Variants in TSHZ3 observed in about 807,000 individuals in gnomAD.
TSHZ3 encodes the protein teashirt zinc finger homeobox 3.
Under a neutral mutation model 64.5 loss-of-function variants are expected in TSHZ3, and 10 were observed. That is an observed-to-expected ratio of 0.16 (90% CI 0.10 to 0.26). The LOEUF is 0.26. Ranked by LOEUF, TSHZ3 falls within the 10% of genes least tolerant of loss-of-function variation. The pLI, the probability that TSHZ3 is intolerant of heterozygous loss-of-function variation, is 1.00. For missense variants in TSHZ3, 1,242 were observed against 1,421.7 expected (o/e 0.87, Z 2.03); for synonymous variants, 608 against 593.1 (o/e 1.03, Z -0.36).
In TSHZ3 at chr19:31,279,478, T is replaced by C. The variant is rs752327648; in HGVS notation, c.315A>G (p.Pro105=). The part of the protein sequence containing the change: ...NEEETKEVTV[P]LEDTTVSDSL... ...TATCCGACACAGTCGTGTCTTCCAGTGGGACCGTGACCTCCTTGGTCTCCT... is the reference window on the plus strand; with the variant it reads ...TATCCGACACAGTCGTGTCTTCCAGCGGGACCGTGACCTCCTTGGTCTCCT... Residue 105 remains proline (P), a synonymous_variant, in exon 2 of 2, where the codon CCA becomes CCG. Transcript: ENST00000240587. This position sits in a 1 kb window ranked among gnomAD's most constrained non-coding sequence, Gnocchi z 6.4. The C allele has an allele frequency of 1.6e-5, 26 of 1,614,064 alleles. No individual in the cohort carries two copies. The highest frequency in any genetic ancestry group is 2.1e-5 in the Non-Finnish European group (25 of 1,180,044).
chr19:31,300,012 G>T (rs1404175351), intron 1 of TSHZ3, among the ~76,000 whole-genome samples: 3 of 152,188 alleles, frequency 2.0e-5, no homozygotes, highest in African/African-American at 7.2e-5. Context: ...GACATTCAGA[G>T]ATAAATGGCT....
chr19:31,285,829 A>G (rs1374437979), intron 1 of TSHZ3, among the ~76,000 whole-genome samples: 6 of 151,722 alleles, frequency 4.0e-5, no homozygotes, highest in Non-Finnish European at 8.8e-5. Flanking sequence ...AAGTGAAAGA[A>G]AAAGAAAAGA....
chr19:31,294,525 A>G (rs1346107566), intron 1 of TSHZ3, among the ~76,000 whole-genome samples: 1 of 152,218 alleles, frequency 6.6e-6, no homozygotes, highest in Non-Finnish European at 1.5e-5. Flanking sequence ...GCATGTGAAC[A>G]CTGTTTGGAT....
chr19:31,232,739 G>C (rs550612167), intron 3 of TSHZ3, among the ~76,000 whole-genome samples: 1 of 152,132 alleles, frequency 6.6e-6, no homozygotes, highest in South Asian at 2.1e-4. Context: ...CCAGTTAACC[G>C]CTGGCCTCAT....
At chr19:31,158,741 C>A (rs1223375310) in intron 5 of TSHZ3, among the ~76,000 whole-genome samples, 2 of 152,146 alleles carry the variant, frequency 1.3e-5, no homozygotes, top group Non-Finnish European at 2.9e-5. Context: ...TAGGTGGCCC[C>A]ATATGGGGAT....
At chr19:31,325,181 A>T (rs1414309381) in intron 1 of TSHZ3, among the ~76,000 whole-genome samples, 2 of 152,194 alleles carry the variant, frequency 1.3e-5, no homozygotes, top group African/African-American at 4.8e-5. Flanking sequence ...GGTAATGAGG[A>T]TGCCTATGGA....
chr19:31,178,776 GT>G (rs751702104), intron 5 of TSHZ3, among the ~76,000 whole-genome samples: 14 of 152,228 alleles, frequency 9.2e-5, no homozygotes, highest in Non-Finnish European at 1.9e-4. Context: ...GGTGAGACAT[GT>G]CATCAGAAGG....
At chr19:31,317,889 C>T (rs1418217754) in intron 1 of TSHZ3, among the ~76,000 whole-genome samples, 2 of 152,236 alleles carry the variant, frequency 1.3e-5, no homozygotes, top group Non-Finnish European at 2.9e-5. Flanking sequence ...CCTCCCACCC[C>T]TGGTAAAAGG....
At chr19:31,347,280 CCCT>C (rs755108660) in intron 1 of TSHZ3, among the ~76,000 whole-genome samples, 1 of 151,926 alleles carries the variant, frequency 6.6e-6, no homozygotes. Flanking sequence ...ACAGCAGGTT[CCCT>C]CCTCCTCTGA....
At chr19:31,311,961 T>G (rs1317539339) in intron 1 of TSHZ3, among the ~76,000 whole-genome samples, 1 of 152,118 alleles carries the variant, frequency 6.6e-6, no homozygotes, top group Non-Finnish European at 1.5e-5. Context: ...TGACCTCCAG[T>G]GATCCGCCCG....
At position 31,184,702 on chromosome 19, in the gene TSHZ3, A is replaced by G. The variant is rs57478078; in HGVS notation, n.809+20254T>C. Among the ~76,000 whole-genome samples, 623 of 152,260 alleles carry G rather than the reference A, an allele frequency of 4.1e-3. 5 individuals carry two copies. Among genetic ancestry groups the G allele is most frequent in the African/African-American group, 0.014 (581 of 41,540 alleles). On this transcript the variant is annotated intron_variant and non_coding_transcript_variant, in intron 5 of 6. Coordinates refer to the TSHZ3 transcript ENST00000651361. Reference sequence around the variant, plus strand: ...CAGGAGCACTTTGCAGAGTTTTGCTATTTTCCTGATTAGATTAGAGGTATT... The same window carrying G: ...CAGGAGCACTTTGCAGAGTTTTGCTGTTTTCCTGATTAGATTAGAGGTATT...
chr19:31,348,089 C>T (rs62102623), intron 1 of TSHZ3, among the ~76,000 whole-genome samples: 21,099 of 152,286 alleles, frequency 0.14, 1,642 homozygotes, highest in South Asian at 0.32. Flanking sequence ...CTCTGCACAT[C>T]TGAGTGTTAC....
At chr19:31,316,832 C>T (rs1916616440) in intron 1 of TSHZ3, among the ~76,000 whole-genome samples, 1 of 152,098 alleles carries the variant, frequency 6.6e-6, no homozygotes, top group Non-Finnish European at 1.5e-5. Context: ...CCCACCTCAG[C>T]TCACTGTACG....
At chr19:31,294,210 C>T (rs980357795) in intron 1 of TSHZ3, among the ~76,000 whole-genome samples, 3 of 152,196 alleles carry the variant, frequency 2.0e-5, no homozygotes, top group South Asian at 2.1e-4. Context: ...GTCTGTAGCA[C>T]TGCCTGCATT....
intron 1 of TSHZ3, among the ~76,000 whole-genome samples, chr19:31,312,193 TGAG>T (rs1916477194): frequency 6.6e-6 from 1 of 152,182 alleles, no homozygotes; most frequent in Non-Finnish European, 1.5e-5. Flanking sequence ...ACACCACTGC[TGAG>T]AAGAGGCCCA....
rs758914084 is a variant in TSHZ3 at position 31,279,264 on chromosome 19, G to C, written c.529C>G (p.Gln177Glu). 2.5e-6 allele frequency: 4 copies of C among 1,614,022 alleles called. No individual in the cohort carries two copies. The highest frequency in any genetic ancestry group is 1.7e-5 in the Admixed American group (1 of 60,004). ...AGCATGCGGCTCTGTGACACCTGCT[G>C]CAGCGTCTTAGCCATGGCGCTCTGG... ...WHQSAMAKTL[Q>E]QVSQSRMLPE... The change falls in exon 2 of 2, where the codon CAG (glutamine) becomes GAG (glutamate). Residue 177 changes from glutamine to glutamate, a missense_variant. Gln to Glu is a conservative substitution (Grantham distance 29, BLOSUM62 2). Transcript: ENST00000240587. The surrounding 1 kb of genome is among the most constrained non-coding windows in gnomAD (Gnocchi z 6.4).
chr19:31,232,179 G>C (rs1260686056), intron 3 of TSHZ3, among the ~76,000 whole-genome samples: 1 of 152,130 alleles, frequency 6.6e-6, no homozygotes, highest in Non-Finnish European at 1.5e-5. Flanking sequence ...AATGTGGTGG[G>C]TTCTCTCCAT....
chr19:31,285,920 C>T (rs1221202888), intron 1 of TSHZ3, among the ~76,000 whole-genome samples: 1 of 151,838 alleles, frequency 6.6e-6, no homozygotes, highest in Non-Finnish European at 1.5e-5. Context: ...ATGGAGGAGG[C>T]AGCTGGACTG....
At chr19:31,316,877 C>T (rs189234702) in intron 1 of TSHZ3, among the ~76,000 whole-genome samples, 6 of 152,196 alleles carry the variant, frequency 3.9e-5, no homozygotes, top group Admixed American at 3.3e-4. Flanking sequence ...GTCGTTTTCC[C>T]GTTTTATTTC....
Sources: gnomAD v4.1 joint callset for allele counts (sites outside exome capture counted in the v4.1 genomes callset) on GRCh38, gnomAD v4.1.1 for gene constraint, Gnocchi (gnomAD v3.1) non-coding constraint, MANE v1.5 for transcripts, NCBI Gene and HGNC (gene_info 2026-07-23, HGNC 2026-07-21) for gene names.